Variants in PACRG observed in about 807,000 individuals in gnomAD.
PACRG encodes parkin coregulated gene protein.
A neutral mutation model predicts 29.7 loss-of-function variants in PACRG; 29 were observed. The observed-to-expected ratio is 0.98, with a 90% CI of 0.73 to 1.33. The LOEUF is 1.33. Ranked by LOEUF, PACRG falls within the 40% of genes most tolerant of loss-of-function variation. The pLI is 0.00. For missense variants in PACRG, 279 were observed against 316.2 expected, an observed-to-expected ratio of 0.88 and a Z score of 0.89; for synonymous variants, 116 against 118.7, an observed-to-expected ratio of 0.98 and a Z score of 0.15.
intron 3 of PACRG, among the ~76,000 whole-genome samples, chr6:163,080,790 G>A (rs1436001741): frequency 1.3e-5 from 2 of 152,112 alleles, no homozygotes; most frequent in Non-Finnish European, 2.9e-5. Context: ...GAAAATCTGA[G>A]TTTTGCATAA....
chr6:162,742,294 G>T (rs1014676183), intron 1 of PACRG, among the ~76,000 whole-genome samples: 1 of 152,144 alleles, frequency 6.6e-6, no homozygotes, highest in African/African-American at 2.4e-5. Flanking sequence ...CACAATATCT[G>T]ATGGTTTTAT....
chr6:163,298,081 G>A (rs1420131001), intron 4 of PACRG, among the ~76,000 whole-genome samples: 4 of 152,034 alleles, frequency 2.6e-5, no homozygotes, highest in Non-Finnish European at 1.5e-5. Context: ...TTATTGCATC[G>A]ACCAAAAAGA....
intron 2 of PACRG, among the ~76,000 whole-genome samples, chr6:163,028,168 C>G (rs1438554617): frequency 6.6e-6 from 1 of 152,196 alleles, no homozygotes; most frequent in African/African-American, 2.4e-5. Flanking sequence ...TATCTAGTCT[C>G]TAACCCATTC....
rs116027160 is a variant in PACRG, at chr6:162,784,740, C to T, written c.157-29407C>T. On this transcript the variant is annotated intron_variant, in intron 1 of 4. Coordinates refer to ENST00000366888, the MANE Select transcript of PACRG (RefSeq NM_001080379.2). Reference sequence around the variant, plus strand: ...TTTTTAAATGTCAACTGTGACAATTCGGAAGGCAGACTCAGTGCTCACTGA... The same window carrying T: ...TTTTTAAATGTCAACTGTGACAATTTGGAAGGCAGACTCAGTGCTCACTGA... Among the ~76,000 whole-genome samples the T allele has an allele frequency of 4.0e-3, 610 of 152,124 alleles. 6 individuals are homozygous for T. The highest frequency in any genetic ancestry group is 0.014 in the African/African-American group (577 of 41,486).
intron 4 of PACRG, among the ~76,000 whole-genome samples, chr6:163,142,217 T>C (rs1179563841): frequency 6.6e-6 from 1 of 151,924 alleles, no homozygotes; most frequent in Non-Finnish European, 1.5e-5. Context: ...AGAGCAAACA[T>C]TCATGAAATA....
intron 4 of PACRG, among the ~76,000 whole-genome samples, chr6:163,116,949 A>G (rs1178022079): frequency 6.6e-6 from 1 of 152,106 alleles, no homozygotes; most frequent in East Asian, 1.9e-4. Flanking sequence ...GCACTCACAG[A>G]AGCAAGTTGG....
intron 4 of PACRG, among the ~76,000 whole-genome samples, chr6:163,294,071 G>T (rs945001313): frequency 1.3e-5 from 2 of 151,702 alleles, no homozygotes; most frequent in African/African-American, 4.8e-5. Context: ...ACATTTTTTT[G>T]GTTAGGAAAC....
At position 163,225,598 on chromosome 6, in the gene PACRG, G is replaced by A. The variant is rs139520394; in HGVS notation, c.614-89229G>A. 8.3e-4 allele frequency among the ~76,000 whole-genome samples: 127 copies of A among 152,268 alleles called. 1 individual carries two copies. The highest frequency in any genetic ancestry group is 5.4e-3 in the South Asian group (26 of 4,816). On this transcript the variant is annotated intron_variant, in intron 4 of 4. Transcript: ENST00000366888. ...GGATGTGGAAAAAGAGGACCCTTAC[G>A]CACTGTTAGTGGGAGTGTAAATTAG...
intron 1 of PACRG, among the ~76,000 whole-genome samples, chr6:162,770,954 A>AT (rs530567946): frequency 2.5e-4 from 38 of 151,990 alleles, no homozygotes; most frequent in Admixed American, 1.0e-3. Flanking sequence ...TATATAAGGG[A>AT]TTTTTTTTAG....
At chr6:163,247,107 G>T (rs1461447085) in intron 4 of PACRG, among the ~76,000 whole-genome samples, 1 of 152,208 alleles carries the variant, frequency 6.6e-6, no homozygotes, top group Non-Finnish European at 1.5e-5. Flanking sequence ...AGAATAGAGT[G>T]CTCTGGTATC....
intron 2 of PACRG, among the ~76,000 whole-genome samples, chr6:162,938,972 T>A (rs1269345670): frequency 6.6e-6 from 1 of 152,182 alleles, no homozygotes; most frequent in Non-Finnish European, 1.5e-5. Context: ...CTCTGCTGAC[T>A]GTTCCTTTTG....
At chr6:163,290,678 C>A (rs1315508844) in intron 4 of PACRG, among the ~76,000 whole-genome samples, 5 of 152,200 alleles carry the variant, frequency 3.3e-5, no homozygotes, top group African/African-American at 9.6e-5. Context: ...TGAAATAATG[C>A]ATTTAGGCAC....
At chr6:163,201,781 G>A (rs116693377) in intron 4 of PACRG, among the ~76,000 whole-genome samples, 4,339 of 152,320 alleles carry the variant, frequency 0.028, 200 homozygotes, top group African/African-American at 0.098. Flanking sequence ...TTCTCTCTCC[G>A]CTGGGGTGAC....
At chr6:162,798,653 A>G (rs893497852) in intron 1 of PACRG, among the ~76,000 whole-genome samples, 1 of 152,206 alleles carries the variant, frequency 6.6e-6, no homozygotes, top group African/African-American at 2.4e-5. Context: ...CTTGTTAGGT[A>G]CCAAGGCACT....
At chr6:163,266,250 T>C (rs1305339571) in intron 4 of PACRG, among the ~76,000 whole-genome samples, 2 of 152,112 alleles carry the variant, frequency 1.3e-5, no homozygotes, top group Non-Finnish European at 2.9e-5. Flanking sequence ...TACTGTAAAA[T>C]CAGAAACCGG....
In PACRG at chr6:163,288,247, A is replaced by G. The variant is rs139849508; in HGVS notation, c.614-26580A>G. The stretch of plus-strand genomic sequence containing the variant: ...AGAGTTATCTTGAGCTTTCAGCCAC[A>G]AGAATTTTAAACCTGACAGTGGTAA... On this transcript the variant is annotated intron_variant, in intron 4 of 4. Transcript: ENST00000366888. Among the ~76,000 whole-genome samples, 11 of 152,332 alleles carry G rather than the reference A, an allele frequency of 7.2e-5. No individual in the cohort carries two copies. In the East Asian group the frequency reaches 2.1e-3, roughly 29 times the overall value.
intron 3 of PACRG, among the ~76,000 whole-genome samples, chr6:163,082,320 A>G (rs1457002689): frequency 6.6e-6 from 1 of 152,194 alleles, no homozygotes; most frequent in Non-Finnish European, 1.5e-5. Flanking sequence ...TTGTCTGCCA[A>G]ATTATTCTCT....
At chr6:162,981,674 G>A (rs2128172680) in intron 2 of PACRG, among the ~76,000 whole-genome samples, 1 of 152,116 alleles carries the variant, frequency 6.6e-6, no homozygotes, top group African/African-American at 2.4e-5. Flanking sequence ...CATGAACATG[G>A]GATGTGTTTC....
intron 2 of PACRG, among the ~76,000 whole-genome samples, chr6:162,996,721 C>T (rs969966199): frequency 1.3e-5 from 2 of 152,114 alleles, no homozygotes; most frequent in Non-Finnish European, 2.9e-5. Context: ...CTAGACTAAT[C>T]ACATTTCAAA....
Sources: gnomAD v4.1 joint callset for allele counts (sites outside exome capture counted in the v4.1 genomes callset) on GRCh38, gnomAD v4.1.1 for gene constraint, MANE v1.5 for transcripts, NCBI Gene and HGNC (gene_info 2026-07-23, HGNC 2026-07-21) for gene names.